TRPM3: variants seen among roughly 807,000 people sequenced by gnomAD.
The protein encoded by TRPM3 is transient receptor potential cation channel subfamily M member 3, also known as long transient receptor potential channel 3.
In TRPM3, 77 loss-of-function variants were observed where a neutral mutation model predicts 181.2. That is an observed-to-expected ratio of 0.42 (90% CI 0.35 to 0.51). The LOEUF is 0.51. Among genes scored for constraint, TRPM3 ranks in the 20% least tolerant of loss-of-function variants. The pLI, the probability that TRPM3 is intolerant of heterozygous loss-of-function variation, is 0.01. For synonymous variants in TRPM3, 745 were observed against 796.4 expected (o/e 0.94, Z 1.09); for missense variants, 1,759 against 2,196.7 (o/e 0.80, Z 3.98).
chr9:70,633,287 G>A (rs1012868621), intron 12 of TRPM3, among the ~76,000 whole-genome samples: 1 of 152,204 alleles, frequency 6.6e-6, no homozygotes, highest in Non-Finnish European at 1.5e-5. Context: ...CATCGAATGT[G>A]TCTACTTCTA....
intron 1 of TRPM3, among the ~76,000 whole-genome samples, chr9:71,072,340 C>G (rs1045590228): frequency 1.3e-5 from 2 of 152,136 alleles, no homozygotes; most frequent in Non-Finnish European, 2.9e-5. Context: ...AGCATTTTGT[C>G]TTAGATTTGC....
In TRPM3 at chr9:70,843,128, C is replaced by CA. The variant is rs2132013272; in HGVS notation, c.677-2_677-1insT. 2 of 1,506,182 alleles carry CA rather than the reference C, an allele frequency of 1.3e-6. No individual in the cohort carries two copies. The highest frequency in any genetic ancestry group is 1.7e-4 in the Middle Eastern group (1 of 5,790). 93.3% of individuals were successfully genotyped at this position (1,506,182 alleles called of 1,614,324 possible). ...GCATCGCCAACATGACGAATAACACCTAAAAAAAAAAGAGAAGCATTGATT... is the reference window on the plus strand; with the variant it reads ...GCATCGCCAACATGACGAATAACACCATAAAAAAAAAAGAGAAGCATTGATT... On this transcript the variant is annotated splice_acceptor_variant, in intron 4 of 25. Transcript: ENST00000677713. LOFTEE classifies it high-confidence loss of function.
At chr9:71,271,328 G>A (rs942266989) in intron 1 of TRPM3, among the ~76,000 whole-genome samples, 1 of 151,824 alleles carries the variant, frequency 6.6e-6, no homozygotes, top group Admixed American at 6.6e-5. Context: ...CTTCTTACTG[G>A]AATGTAGTTC....
At chr9:70,698,551 A>T (rs764268809) in intron 8 of TRPM3, among the ~76,000 whole-genome samples, 1 of 152,206 alleles carries the variant, frequency 6.6e-6, no homozygotes, top group Non-Finnish European at 1.5e-5. Flanking sequence ...AAAGCGGGTG[A>T]GTTTTAATTT....
intron 1 of TRPM3, among the ~76,000 whole-genome samples, chr9:71,053,822 C>A (rs1201074127): frequency 6.6e-6 from 1 of 152,026 alleles, no homozygotes; most frequent in Non-Finnish European, 1.5e-5. Context: ...TAAAGGCTAG[C>A]AGCATGAGCA....
At chr9:71,096,149 G>A (rs535833997) in intron 1 of TRPM3, among the ~76,000 whole-genome samples, 190 of 151,856 alleles carry the variant, frequency 1.3e-3, no homozygotes, top group African/African-American at 4.3e-3. Context: ...AAGTTCATTT[G>A]CTCCCATCTT....
intron 1 of TRPM3, among the ~76,000 whole-genome samples, chr9:71,328,069 A>G (rs1194971455): frequency 1.6e-5 from 2 of 125,180 alleles, no homozygotes; most frequent in African/African-American, 3.4e-5. Context: ...TTTCTGAATT[A>G]AAAAAAAAAA....
At chr9:71,251,166 T>G (rs2082320532) in intron 1 of TRPM3, among the ~76,000 whole-genome samples, 1 of 152,224 alleles carries the variant, frequency 6.6e-6, no homozygotes, top group African/African-American at 2.4e-5. Flanking sequence ...TCCCAAGACT[T>G]CTACCAGCTT....
rs549924246 is a variant in TRPM3, at chr9:71,249,430, CAA to C, written c.183+197221_183+197222del. 1.9e-4 allele frequency among the ~76,000 whole-genome samples: 29 copies of C among 152,170 alleles called. No homozygotes were observed. In the South Asian group the frequency reaches 6.0e-3, roughly 32 times the overall value. ...GATGTATAAATAGTCTATTTTACTA[CAA>C]AGAGTACAGCTTAAATGTTCCTATT... On this transcript the variant is annotated intron_variant, in intron 1 of 24. Transcript: ENST00000357533.
chr9:71,343,964 A>G (rs946523573), intron 1 of TRPM3, among the ~76,000 whole-genome samples: 1 of 152,180 alleles, frequency 6.6e-6, no homozygotes, highest in Non-Finnish European at 1.5e-5. Context: ...ATCAAAATAA[A>G]TGATAACAAT....
intron 1 of TRPM3, among the ~76,000 whole-genome samples, chr9:71,331,788 A>AGAGGAGAGGGAGGAGAAAGAC (rs1565470244): frequency 1.0e-4 from 5 of 48,802 alleles, no homozygotes; most frequent in Non-Finnish European, 2.4e-4. Context: ...AGGAGGAAGA[A>AGAGGAGAGGGAGGAGAAAGAC]GAGGAGAGGG....
intron 1 of TRPM3, among the ~76,000 whole-genome samples, chr9:70,947,238 T>C (rs141486157): frequency 5.9e-5 from 9 of 152,192 alleles, no homozygotes; most frequent in African/African-American, 2.2e-4. Flanking sequence ...CAGAGTTTCA[T>C]CTCATTGTGG....
intron 1 of TRPM3, among the ~76,000 whole-genome samples, chr9:70,889,498 C>A (rs539253644): frequency 6.6e-6 from 1 of 152,268 alleles, no homozygotes; most frequent in Admixed American, 6.5e-5. Flanking sequence ...ACCCCCTGAC[C>A]ATCTGTACCC....
chr9:70,838,544 GGGA>G (rs1278544146), intron 5 of TRPM3, among the ~76,000 whole-genome samples: 1 of 152,154 alleles, frequency 6.6e-6, no homozygotes, highest in African/African-American at 2.4e-5. Context: ...AAGACAGCTG[GGGA>G]GGAAGAAGAC....
At chr9:71,344,709 C>T (rs1594457) in intron 1 of TRPM3, among the ~76,000 whole-genome samples, 136,091 of 152,176 alleles carry the variant, frequency 0.89, 61,579 homozygotes, top group East Asian at 0.97. Context: ...GGACTCAAAA[C>T]ATACTAACAA....
At position 71,112,803 on chromosome 9, in the gene TRPM3, G is replaced by A. The variant is rs76474991; in HGVS notation, c.177+8375C>T. 8.8e-3 allele frequency among the ~76,000 whole-genome samples: 1,340 copies of A among 152,226 alleles called. 19 individuals carry two copies. The highest frequency in any genetic ancestry group is 0.029 in the African/African-American group (1,187 of 41,536). Reference sequence around the variant, plus strand: ...ATGTTTATGGACATGCAGGAGAGGCGAGCTTTATCTAGCTTAGAGGATTCA... The same window carrying A: ...ATGTTTATGGACATGCAGGAGAGGCAAGCTTTATCTAGCTTAGAGGATTCA... On this transcript the variant is annotated intron_variant, in intron 1 of 25. Coordinates refer to ENST00000677713, the MANE Select transcript of TRPM3 (RefSeq NM_001366145.2).
At chr9:71,073,359 CAT>C (rs2063026596) in intron 1 of TRPM3, among the ~76,000 whole-genome samples, 1 of 152,132 alleles carries the variant, frequency 6.6e-6, no homozygotes, top group South Asian at 2.1e-4. Flanking sequence ...GAAAGTAGGA[CAT>C]GTGACGGTTC....
chr9:71,001,676 G>A (rs2097604394), intron 1 of TRPM3, among the ~76,000 whole-genome samples: 1 of 152,128 alleles, frequency 6.6e-6, no homozygotes, highest in African/African-American at 2.4e-5. Flanking sequence ...TTTCTGATGT[G>A]GAATCCAAAG....
At chr9:71,255,206 C>T (rs2082596487) in intron 1 of TRPM3, among the ~76,000 whole-genome samples, 2 of 152,174 alleles carry the variant, frequency 1.3e-5, no homozygotes, top group Non-Finnish European at 2.9e-5. Context: ...TCTAAACCAT[C>T]TAGCTTCCAC....
Sources: allele counts gnomAD v4.1 joint callset (sites outside exome capture counted in the v4.1 genomes callset), GRCh38; gene constraint gnomAD v4.1.1; transcripts MANE v1.5; gene names NCBI Gene and HGNC (gene_info 2026-07-23, HGNC 2026-07-21).